The following MRPL52 variants were observed in gnomAD, a reference collection of about 807,000 sequenced individuals.
MRPL52 encodes the protein large ribosomal subunit protein mL52.
In MRPL52, 19 loss-of-function variants were observed where a neutral mutation model predicts 22.1. The observed-to-expected ratio is 0.86, with a 90% CI of 0.60 to 1.26. The LOEUF (loss-of-function observed/expected upper bound fraction) is 1.26, where lower values mean the gene tolerates loss of function less well. MRPL52 is among the 50% of genes most tolerant of loss of function. The pLI, the probability that MRPL52 is intolerant of heterozygous loss-of-function variation, is 0.00. For missense variants in MRPL52, 152 were observed against 148.1 expected (o/e 1.03, Z -0.14); for synonymous variants, 50 against 57.5 (o/e 0.87, Z 0.59).
At chr14:22,831,146 C>A (rs1194715737) in intron 3 of MRPL52, 2 of 452,802 alleles carry the variant, frequency 4.4e-6, no homozygotes, top group African/African-American at 6.1e-5. Context: ...GGGGTCTTGC[C>A]CTGTCACCCA....
intron 3 of MRPL52, chr14:22,833,185 A>T (rs1023776156): frequency 2.4e-6 from 1 of 420,950 alleles, no homozygotes; most frequent in Non-Finnish European, 4.3e-6. Flanking sequence ...AAAAAATAAT[A>T]AATAAATGAA....
At chr14:22,833,604 A>G in intron 4 of MRPL52, 122 bp downstream of exon 4, 1 of 689,846 alleles carries the variant, frequency 1.4e-6, no homozygotes, top group Non-Finnish European at 2.5e-6. Flanking sequence ...TATTAATAAC[A>G]GCCAAAGGTT....
intron 3 of MRPL52, among the ~76,000 whole-genome samples, chr14:22,832,919 C>G (rs2039654415): frequency 1.3e-5 from 2 of 152,006 alleles, no homozygotes; most frequent in African/African-American, 2.4e-5. Context: ...GTGGCTCATG[C>G]TTGTAATCCC....
At chr14:22,833,813 G>A (rs777637554) in intron 4 of MRPL52, among the ~76,000 whole-genome samples, 4 of 152,094 alleles carry the variant, frequency 2.6e-5, no homozygotes, top group Non-Finnish European at 5.9e-5. Context: ...TAGAGACAGG[G>A]TTTTTCTATG....
Position 22,834,289 on chromosome 14 carries a change from G to T in MRPL52, c.337G>T (p.Ala113Ser), listed in dbSNP as rs1235450266. The T allele has an allele frequency of 2.5e-6, 4 of 1,613,738 alleles. No homozygotes were observed. Among genetic ancestry groups the T allele is most frequent in the Non-Finnish European group, 3.4e-6 (4 of 1,179,936 alleles). ...GGAAAATGCTCTTAAACCCAAAGGGGCTTCACTGAAGAGCCCACTTCCAAG... is the reference window on the plus strand; with the variant it reads ...GGAAAATGCTCTTAAACCCAAAGGGTCTTCACTGAAGAGCCCACTTCCAAG... Reference protein sequence around the residue: ...KQENALKPKGASLKSPLPSQ With the variant: ...KQENALKPKGSSLKSPLPSQ Residue 113 changes from alanine to serine, a missense_variant, in exon 5 of 5, where the codon GCT becomes TCT. Physicochemically the swap from Ala to Ser is moderately conservative, Grantham distance 99. Coordinates refer to ENST00000397496, the MANE Select transcript of MRPL52 (RefSeq NM_180982.3).
chr14:22,834,330 TCCTGCCTCC>T lies in MRPL52; in HGVS notation c.*11_*19del, dbSNP rs2039692260. On this transcript the variant is annotated 3_prime_UTR_variant, in exon 5 of 5. Transcript: ENST00000397496. ...CACTTCCAAGTCAATAAAAAGCAACTCCTGCCTCCCTTCCTCACCCTGTCTCTGGATTTC... is the reference window on the plus strand; with the variant it reads ...CACTTCCAAGTCAATAAAAAGCAACTCTTCCTCACCCTGTCTCTGGATTTC... 1 of 1,606,662 alleles carries T rather than the reference TCCTGCCTCC, an allele frequency of 6.2e-7. No homozygotes were observed. The highest frequency in any genetic ancestry group is 1.7e-5 in the Admixed American group (1 of 58,386).
chr14:22,834,210 A>G lies in MRPL52; in HGVS notation c.258A>G (p.Gly86=). 1.9e-6 allele frequency: 3 copies of G among 1,614,206 alleles called. No homozygotes were observed. Reference sequence around the variant, plus strand: ...TGCTGTCACAGGAAATGGACGCTGGATTACAAGCATGGCAGCTCAGGCAGC... The same window carrying G: ...TGCTGTCACAGGAAATGGACGCTGGGTTACAAGCATGGCAGCTCAGGCAGC... ...VVLLSQEMDA[G]LQAWQLRQQK... Residue 86 remains glycine (G), a synonymous_variant, in exon 5 of 5, where the codon GGA becomes GGG. Transcript: ENST00000397496.
chr14:22,832,265 T>C (rs2039637643), intron 3 of MRPL52, among the ~76,000 whole-genome samples: 1 of 152,140 alleles, frequency 6.6e-6, no homozygotes, highest in Non-Finnish European at 1.5e-5. Context: ...GGGCATTTCA[T>C]TGTGGAGTGG....
At chr14:22,831,914 G>A (rs778665398) in intron 3 of MRPL52, 6 of 152,214 alleles carry the variant, frequency 3.9e-5, no homozygotes, top group Non-Finnish European at 8.8e-5. Context: ...GGCTGAGGCA[G>A]GAGAATCGCT....
Position 22,834,219 on chromosome 14 carries a change from A to G in MRPL52, c.267A>G (p.Ala89=), listed in dbSNP as rs755332648. The change falls in exon 5 of 5, where the codon GCA becomes GCG. Residue 89 remains alanine (A), a synonymous_variant. Coordinates refer to ENST00000397496, the MANE Select transcript of MRPL52 (RefSeq NM_180982.3). ...AGGAAATGGACGCTGGATTACAAGC[A>G]TGGCAGCTCAGGCAGCAGAAGTTGC... ...LSQEMDAGLQ[A]WQLRQQKLQE... 10 of 1,614,228 alleles carry G rather than the reference A, an allele frequency of 6.2e-6. No individual in the cohort carries two copies. The Admixed American group carries it at 8.3e-5, about 13-fold the overall frequency.
intron 3 of MRPL52, among the ~76,000 whole-genome samples, chr14:22,832,372 G>C (rs1443226906): frequency 1.3e-5 from 2 of 152,024 alleles, no homozygotes; most frequent in East Asian, 3.9e-4. Context: ...ATGGAGTCAG[G>C]CTCTGTCGCC....
chr14:22,830,030 AC>A (rs746152317), intron 1 of MRPL52, 22 bp from the exon 2 acceptor site: 1 of 1,613,732 alleles, frequency 6.2e-7, no homozygotes, highest in Non-Finnish European at 8.5e-7. Context: ...CTCTCCCCCA[AC>A]TCTGCTCTGT....
rs1469247862 is a variant in MRPL52 at position 22,829,927 on chromosome 14, G to T, written c.15G>T (p.Gly5=). Residue 5 remains glycine, a synonymous_variant, in exon 1 of 5, where the codon GGG becomes GGT. Transcript: ENST00000397496. MAAL[G]TVLFSVRRLH... is the part of the protein sequence containing the mutation. ...TCCTGCTCAGCATGGCTGCTTTAGG[G>T]ACTGTTCTCTTCAGTGAGTGGGTAT... The T allele has an allele frequency of 1.9e-6, 3 of 1,595,044 alleles. No individual in the cohort carries two copies. The highest frequency in any genetic ancestry group is 2.6e-6 in the Non-Finnish European group (3 of 1,168,560).
chr14:22,834,161 G>A lies in MRPL52; in HGVS notation c.220-11G>A. 1 of 1,613,594 alleles carries A rather than the reference G, an allele frequency of 6.2e-7. No homozygotes were observed. The stretch of plus-strand genomic sequence containing the variant: ...CAGATGTTATCCACACTGTTTTCCT[G>A]TCTGTTTCAGAGACGAGTTGTACTG... On this transcript the variant is annotated splice_polypyrimidine_tract_variant and intron_variant, in intron 4 of 4. Coordinates refer to ENST00000397496, the MANE Select transcript of MRPL52 (RefSeq NM_180982.3).
chr14:22,833,571 A>G (rs952432311), intron 4 of MRPL52, 89 bp downstream of exon 4: 36 of 910,964 alleles, frequency 4.0e-5, no homozygotes, highest in African/African-American at 9.9e-5. Context: ...CTAAGCAAAC[A>G]TGTACCCCTC....
intron 3 of MRPL52, chr14:22,831,106 C>CTGTTTTT (rs2039603171): frequency 1.4e-5 from 2 of 140,982 alleles, no homozygotes; most frequent in African/African-American, 5.7e-5. Flanking sequence ...CATATGACTG[C>CTGTTTTT]TTTTTTTTTT....
At chr14:22,833,905 G>C (rs888222972) in intron 4 of MRPL52, among the ~76,000 whole-genome samples, 1 of 152,182 alleles carries the variant, frequency 6.6e-6, no homozygotes, top group African/African-American at 2.4e-5. Context: ...ACAGGTGTGG[G>C]CCACCATGCC....
chr14:22,834,514 C>T lies in MRPL52; in HGVS notation c.*193C>T. On this transcript the variant is annotated 3_prime_UTR_variant, in exon 5 of 5. Coordinates refer to ENST00000397496, the MANE Select transcript of MRPL52 (RefSeq NM_180982.3). ...TAGTACTCTCATCTCTGGTTCCATT[C>T]CAGTTCAGCTAAGTCTTGCTTTAAA... 4.8e-6 allele frequency: 3 copies of T among 621,684 alleles called. No homozygotes were observed. Among genetic ancestry groups the T allele is most frequent in the Non-Finnish European group, 8.0e-6 (3 of 373,318 alleles). 38.5% of individuals were successfully genotyped at this position (621,684 alleles called of 1,614,324 possible).
At chr14:22,834,145 T>A (rs1341952751) in intron 4 of MRPL52, 27 bp from the exon 5 acceptor site, 1 of 1,612,072 alleles carries the variant, frequency 6.2e-7, no homozygotes, top group Non-Finnish European at 8.5e-7. Context: ...CCAGATGTTA[T>A]CCACACTGTT....
Sources: allele counts gnomAD v4.1 joint callset (sites outside exome capture counted in the v4.1 genomes callset), GRCh38; gene constraint gnomAD v4.1.1; transcripts MANE v1.5; gene names NCBI Gene and HGNC (gene_info 2026-07-23, HGNC 2026-07-21).